Variants in JMJD1C observed in about 807,000 individuals in gnomAD.
JMJD1C encodes jumonji domain-containing protein 1C.
JMJD1C carries 31 observed loss-of-function variants against 245.3 expected under a neutral mutation model. The ratio of observed to expected loss-of-function variants is 0.13; its 90% CI spans 0.09 to 0.17. JMJD1C has a LOEUF of 0.17. Among genes scored for constraint, JMJD1C ranks in the 10% least tolerant of loss-of-function variants. The pLI is 1.00. For missense variants in JMJD1C, 2,691 were observed against 3,000.2 expected, an observed-to-expected ratio of 0.90 and a Z score of 2.41; for synonymous variants, 1,057 against 1,017.4, an observed-to-expected ratio of 1.04 and a Z score of -0.74.
intron 1 of JMJD1C, among the ~76,000 whole-genome samples, chr10:63,479,976 T>C (rs959729152): frequency 2.0e-5 from 3 of 152,238 alleles, no homozygotes. Context: ...CTTTGGGTGA[T>C]AGATTTGCCA....
At chr10:63,482,097 A>G (rs2133188922) in intron 1 of JMJD1C, among the ~76,000 whole-genome samples, 1 of 152,340 alleles carries the variant, frequency 6.6e-6, no homozygotes. Context: ...AACTAAATGA[A>G]AGGAGTACAG....
intron 1 of JMJD1C, among the ~76,000 whole-genome samples, chr10:63,420,956 A>G (rs757133951): frequency 1.3e-5 from 2 of 152,178 alleles, no homozygotes; most frequent in African/African-American, 2.4e-5. Flanking sequence ...ATTGAAACTG[A>G]TAACTTTCTG....
intron 1 of JMJD1C, among the ~76,000 whole-genome samples, chr10:63,437,493 T>C (rs1289510306): frequency 6.6e-6 from 1 of 152,216 alleles, no homozygotes; most frequent in Non-Finnish European, 1.5e-5. Context: ...ATTCTACTAC[T>C]ACCTAAAGAC....
At chr10:63,380,591 G>T in intron 1 of JMJD1C, 109 bp from the exon 2 acceptor site, 2 of 750,642 alleles carry the variant, frequency 2.7e-6, no homozygotes, top group Non-Finnish European at 4.3e-6. Context: ...ATGATATCGT[G>T]ATACATGCAC....
Position 63,189,305 on chromosome 10 carries a change from A to G in JMJD1C, c.6433T>C (p.Ser2145Pro). 1 of 1,613,838 alleles carries G rather than the reference A, an allele frequency of 6.2e-7. No individual in the cohort carries two copies. Among genetic ancestry groups the G allele is most frequent in the Non-Finnish European group, 8.5e-7 (1 of 1,179,868 alleles). Residue 2145 changes from serine to proline, a missense_variant, in exon 18 of 26, where the codon TCT (serine) becomes CCT (proline). Physicochemically the swap from Ser to Pro is moderately conservative, Grantham distance 74. This residue lies in a region of JMJD1C where 275 missense variants were observed against 285.5 expected (regional missense o/e 0.96). Coordinates refer to ENST00000399262, the MANE Select transcript of JMJD1C (RefSeq NM_032776.3). ...LKEEPEESII[S>P]AVDENNKLYS... Reference sequence around the variant, plus strand: ...AATTTATTATTTTCATCCACTGCAGATATTATGCTTTCTTCAGGCTCTTCT... The same window carrying G: ...AATTTATTATTTTCATCCACTGCAGGTATTATGCTTTCTTCAGGCTCTTCT...
intron 2 of JMJD1C, among the ~76,000 whole-genome samples, chr10:63,329,413 T>C (rs9971137): frequency 6.8e-6 from 1 of 148,096 alleles, no homozygotes. Flanking sequence ...TAGGATAAGC[T>C]AGCAACAGGG....
Position 63,207,399 on chromosome 10 carries a change from T to C in JMJD1C, c.4270A>G (p.Ile1424Val), listed in dbSNP as rs756707439. 3.1e-6 allele frequency: 5 copies of C among 1,614,116 alleles called. No homozygotes were observed. Among genetic ancestry groups the C allele is most frequent in the East Asian group, 2.2e-5 (1 of 44,888 alleles). ...CATTCTGATGATGTAGAGGCCAAAA[T>C]GGTATTTGATAAAGAGGAAATTACT... ...SEVISSLSNT[I>V]LASTSSECVS... The change falls in exon 10 of 26, where the codon ATT (isoleucine) becomes GTT (valine). Residue 1424 changes from isoleucine to valine, a missense_variant. Transcript: ENST00000399262.
chr10:63,293,489 T>C (rs1339030517), intron 2 of JMJD1C, among the ~76,000 whole-genome samples: 1 of 152,296 alleles, frequency 6.6e-6, no homozygotes, highest in East Asian at 1.9e-4. Flanking sequence ...AAAATATAAA[T>C]ATGTAATATT....
At chr10:63,283,972 CTG>C (rs1239584164) in intron 2 of JMJD1C, among the ~76,000 whole-genome samples, 1 of 151,674 alleles carries the variant, frequency 6.6e-6, no homozygotes, top group Non-Finnish European at 1.5e-5. Flanking sequence ...CTTAAAATGT[CTG>C]TGTACTTTGC....
At chr10:63,516,059 C>T (rs543191505) in intron 1 of JMJD1C, among the ~76,000 whole-genome samples, 4 of 152,088 alleles carry the variant, frequency 2.6e-5, no homozygotes, top group African/African-American at 7.2e-5. Context: ...ATGGTACTTT[C>T]AGTTTTTCCA....
chr10:63,173,140 T>C (rs1842540608), intron 24 of JMJD1C, among the ~76,000 whole-genome samples: 1 of 152,104 alleles, frequency 6.6e-6, no homozygotes, highest in African/African-American at 2.4e-5. Flanking sequence ...TGAATTTTTC[T>C]GTTTATGTAT....
chr10:63,506,950 T>A (rs953523192), intron 1 of JMJD1C, among the ~76,000 whole-genome samples: 2 of 152,192 alleles, frequency 1.3e-5, no homozygotes, highest in African/African-American at 4.8e-5. Flanking sequence ...TAACCCATAA[T>A]AATGGCTAAT....
At chr10:63,177,612 A>G in intron 23 of JMJD1C, 105 bp downstream of exon 23, 2 of 1,222,602 alleles carry the variant, frequency 1.6e-6, no homozygotes, top group East Asian at 4.8e-5. Flanking sequence ...TTGAAGTAAA[A>G]ATTATGTAAT....
intron 1 of JMJD1C, among the ~76,000 whole-genome samples, chr10:63,413,503 T>C (rs1429275790): frequency 6.6e-6 from 1 of 152,184 alleles, no homozygotes; most frequent in East Asian, 1.9e-4. Flanking sequence ...GGGCAACTAC[T>C]GGGAAGGAGG....
At chr10:63,168,409 C>G (rs368646956) in intron 25 of JMJD1C, 26 bp downstream of exon 25, 1 of 1,580,006 alleles carries the variant, frequency 6.3e-7, no homozygotes, top group Non-Finnish European at 8.6e-7. Context: ...GCCTGAAGAA[C>G]AGGACCTAGA....
intron 10 of JMJD1C, chr10:63,203,913 T>C (rs368673707): frequency 1.1e-4 from 103 of 977,944 alleles, no homozygotes; most frequent in Admixed American, 4.3e-4. Context: ...AGAAAGAAAA[T>C]AGACATTATT....
At chr10:63,421,970 T>C (rs758199825) in intron 1 of JMJD1C, among the ~76,000 whole-genome samples, 3 of 152,206 alleles carry the variant, frequency 2.0e-5, no homozygotes, top group Non-Finnish European at 4.4e-5. Flanking sequence ...TATTTTGCTA[T>C]AGCAACCCTA....
chr10:63,346,009 TTC>T (rs772724300), intron 2 of JMJD1C, among the ~76,000 whole-genome samples: 2 of 152,222 alleles, frequency 1.3e-5, no homozygotes, highest in South Asian at 4.1e-4. Context: ...CCTTACGACT[TTC>T]TGTGTTTTTC....
intron 1 of JMJD1C, among the ~76,000 whole-genome samples, chr10:63,448,357 A>G (rs1951832065): frequency 1.3e-5 from 2 of 151,950 alleles, no homozygotes; most frequent in African/African-American, 4.8e-5. Context: ...AGGTTTCATC[A>G]TGTTGGCCAG....
Sources: allele counts gnomAD v4.1 joint callset (sites outside exome capture counted in the v4.1 genomes callset), GRCh38; gene constraint gnomAD v4.1.1; regional missense constraint gnomAD v4.1.1; transcripts MANE v1.5; gene names NCBI Gene and HGNC (gene_info 2026-07-23, HGNC 2026-07-21).